IPO11: variants seen among roughly 807,000 people sequenced by gnomAD.
The protein encoded by IPO11 is importin 11.
Under a neutral mutation model 143.2 loss-of-function variants are expected in IPO11, and 66 were observed. The ratio of observed to expected loss-of-function variants is 0.46; its 90% CI spans 0.38 to 0.57. IPO11 has a LOEUF of 0.57. Among genes scored for constraint, IPO11 ranks in the 20% least tolerant of loss-of-function variants. The pLI is 0.00. For missense variants in IPO11, 1,026 were observed against 1,141.0 expected, an observed-to-expected ratio of 0.90 and a Z score of 1.45; for synonymous variants, 385 against 377.8, an observed-to-expected ratio of 1.02 and a Z score of -0.22.
At chr5:62,513,224 C>A (rs1388988543) in intron 19 of IPO11, among the ~76,000 whole-genome samples, 2 of 151,948 alleles carry the variant, frequency 1.3e-5, no homozygotes, top group South Asian at 2.1e-4. Flanking sequence ...CTGACCCCCC[C>A]ATCTCCCTCC....
At chr5:62,491,431 G>C (rs967003346) in intron 15 of IPO11, among the ~76,000 whole-genome samples, 3 of 152,136 alleles carry the variant, frequency 2.0e-5, no homozygotes, top group Non-Finnish European at 2.9e-5. Context: ...AAACAAATGT[G>C]CAGTTTAGTT....
intron 29 of IPO11, among the ~76,000 whole-genome samples, 179 bp downstream of exon 29, chr5:62,602,027 T>G (rs1745525173): frequency 1.3e-5 from 2 of 152,178 alleles, no homozygotes; most frequent in African/African-American, 4.8e-5. Context: ...GTACAGAAAG[T>G]TGAGGTTAAC....
At chr5:62,580,876 G>A (rs755137070) in intron 27 of IPO11, 2 of 1,551,362 alleles carry the variant, frequency 1.3e-6, no homozygotes, top group Non-Finnish European at 8.7e-7. Context: ...AGAGACTACA[G>A]CAGTGTTACC....
intron 29 of IPO11, among the ~76,000 whole-genome samples, chr5:62,616,070 A>AGGGGGGGGGGGGGGGGGGGGGGGGGAGAG (rs67923113): frequency 9.4e-6 from 1 of 106,350 alleles, no homozygotes; most frequent in Non-Finnish European, 1.9e-5. Flanking sequence ...TGGGGGAGGA[A>AGGGGGGGGGGGGGGGGGGGGGGGGGAGAG]GGGGGGTGGC....
At chr5:62,611,304 T>C (rs1364757462) in intron 29 of IPO11, among the ~76,000 whole-genome samples, 1 of 152,130 alleles carries the variant, frequency 6.6e-6, no homozygotes, top group African/African-American at 2.4e-5. Context: ...ATAATCCAAC[T>C]GAGATGCAAT....
At chr5:62,514,585 AGGAGAG>A (rs1254843225) in intron 19 of IPO11, among the ~76,000 whole-genome samples, 2 of 117,178 alleles carry the variant, frequency 1.7e-5, no homozygotes, top group Non-Finnish European at 3.4e-5. Context: ...GACCGTGGAA[AGGAGAG>A]GGAGAGGGAG....
At chr5:62,548,353 C>T (rs1414668626) in intron 24 of IPO11, among the ~76,000 whole-genome samples, 1 of 152,134 alleles carries the variant, frequency 6.6e-6, no homozygotes, top group Non-Finnish European at 1.5e-5. Flanking sequence ...CTCTTCAGAG[C>T]CATGCTGACT....
intron 26 of IPO11, among the ~76,000 whole-genome samples, chr5:62,556,891 A>G (rs542822452): frequency 2.0e-4 from 31 of 151,604 alleles, no homozygotes; most frequent in Admixed American, 5.9e-4. Context: ...CCAGATTCCT[A>G]CTGTAATTGG....
intron 5 of IPO11, among the ~76,000 whole-genome samples, chr5:62,457,666 G>T (rs902618536): frequency 1.3e-5 from 2 of 152,210 alleles, no homozygotes; most frequent in African/African-American, 4.8e-5. Flanking sequence ...GTGTAAGATA[G>T]ATCACTCACC....
At chr5:62,598,710 A>G (rs1370895026) in intron 28 of IPO11, among the ~76,000 whole-genome samples, 7 of 150,424 alleles carry the variant, frequency 4.7e-5, no homozygotes, top group Non-Finnish European at 8.9e-5. Flanking sequence ...ACGCCTGGCT[A>G]ATTATTGTAT....
At chr5:62,477,334 T>C (rs1039869358) in intron 9 of IPO11, among the ~76,000 whole-genome samples, 1 of 152,192 alleles carries the variant, frequency 6.6e-6, no homozygotes, top group Non-Finnish European at 1.5e-5. Context: ...CTAAAATAGG[T>C]ACTTGAAGAC....
chr5:62,513,523 G>A (rs1179343089), intron 19 of IPO11, among the ~76,000 whole-genome samples: 1 of 145,718 alleles, frequency 6.9e-6, no homozygotes, highest in African/African-American at 2.5e-5. Context: ...CGGACGGGGC[G>A]GCTGGCCGGG....
At chr5:62,494,352 A>G (rs1741053372) in intron 16 of IPO11, among the ~76,000 whole-genome samples, 1 of 152,188 alleles carries the variant, frequency 6.6e-6, no homozygotes, top group South Asian at 2.1e-4. Flanking sequence ...ATTATAAAGT[A>G]ATTTATAATT....
chr5:62,555,809 C>CT (rs1743557099), intron 26 of IPO11, among the ~76,000 whole-genome samples: 1 of 152,076 alleles, frequency 6.6e-6, no homozygotes, highest in South Asian at 2.1e-4. Context: ...GGCCCCACAC[C>CT]TGGCTAATTT....
intron 17 of IPO11, 76 bp from the exon 18 acceptor site, chr5:62,504,778 AATTT>A: frequency 7.5e-7 from 1 of 1,328,394 alleles, no homozygotes. Flanking sequence ...TTGTGAAATT[AATTT>A]ATGTATACTT....
intron 5 of IPO11, among the ~76,000 whole-genome samples, chr5:62,462,180 T>A (rs1330634495): frequency 6.6e-6 from 1 of 152,230 alleles, no homozygotes; most frequent in African/African-American, 2.4e-5. Context: ...ACTGAATTAC[T>A]GAACTTTCTA....
chr5:62,431,934 CACATACATACAT>C (rs57913836), intron 1 of IPO11, among the ~76,000 whole-genome samples: 6 of 148,668 alleles, frequency 4.0e-5, no homozygotes, highest in East Asian at 2.0e-4. Context: ...GAGCAAGACT[CACATACATACAT>C]ACATACATAC....
At chr5:62,564,373 C>T (rs902310193) in intron 27 of IPO11, among the ~76,000 whole-genome samples, 2 of 151,982 alleles carry the variant, frequency 1.3e-5, no homozygotes, top group African/African-American at 4.8e-5. Flanking sequence ...GGTATTTTTC[C>T]TCTTCTGCAT....
chr5:62,445,855 AT>A (rs1025148592), intron 3 of IPO11, among the ~76,000 whole-genome samples: 1 of 151,720 alleles, frequency 6.6e-6, no homozygotes, highest in African/African-American at 2.4e-5. Context: ...TATCATCTGT[AT>A]TTTTTTTGCA....
Sources: gnomAD v4.1 joint callset for allele counts (sites outside exome capture counted in the v4.1 genomes callset) on GRCh38, gnomAD v4.1.1 for gene constraint, MANE v1.5 for transcripts, NCBI Gene and HGNC (gene_info 2026-07-23, HGNC 2026-07-21) for gene names.